The following CHODL variants were observed in gnomAD, a reference collection of about 807,000 sequenced individuals.
CHODL encodes the protein transmembrane protein MT75.
CHODL carries 29 observed loss-of-function variants against 34.5 expected under a neutral mutation model. That is an observed-to-expected ratio of 0.84 (90% CI 0.63 to 1.15). CHODL has a LOEUF of 1.15. Ranked by LOEUF, CHODL falls within the 50% of genes most tolerant of loss-of-function variation. The pLI is 0.00. For missense variants in CHODL, 332 were observed against 332.5 expected (o/e 1.00, Z 0.01); for synonymous variants, 125 against 116.1 (o/e 1.08, Z -0.49).
At chr21:17,982,032 T>C (rs2063717858) in intron 1 of CHODL, among the ~76,000 whole-genome samples, 1 of 152,250 alleles carries the variant, frequency 6.6e-6, no homozygotes, top group South Asian at 2.1e-4. Flanking sequence ...TACTACATCC[T>C]AGGATTGTTG....
rs184538414 is a variant in CHODL at position 18,233,072 on chromosome 21, T to G, written c.-44-23437T>G. Among the ~76,000 whole-genome samples the G allele has an allele frequency of 2.2e-4, 33 of 151,316 alleles. No homozygotes were observed. The East Asian group carries it at 6.2e-3, about 28-fold the overall frequency. On this transcript the variant is annotated intron_variant, in intron 2 of 6. Coordinates refer to the CHODL transcript ENST00000400127. ...ATCAATAACCTTAAATACTTATAAT[T>G]TATTCCTCCTGTCTAAGTGCAACTT...
At chr21:18,178,189 C>T (rs1413163127) in intron 2 of CHODL, among the ~76,000 whole-genome samples, 1 of 152,076 alleles carries the variant, frequency 6.6e-6, no homozygotes, top group African/African-American at 2.4e-5. Context: ...TAACTATATA[C>T]CAGACACAAG....
intron 2 of CHODL, among the ~76,000 whole-genome samples, chr21:18,188,109 A>T (rs1260907918): frequency 1.3e-5 from 2 of 148,226 alleles, no homozygotes; most frequent in Non-Finnish European, 3.0e-5. Flanking sequence ...AAAATTGATC[A>T]TTTTTTTTTT....
At chr21:18,229,714 T>A (rs1432087186) in intron 2 of CHODL, among the ~76,000 whole-genome samples, 1 of 152,058 alleles carries the variant, frequency 6.6e-6, no homozygotes. Context: ...ATTAACTTCT[T>A]TTTCTTCTGC....
At chr21:18,074,678 G>A (rs185036733) in intron 2 of CHODL, among the ~76,000 whole-genome samples, 139 of 152,024 alleles carry the variant, frequency 9.1e-4, no homozygotes, top group Middle Eastern at 3.4e-3. Context: ...TCCACATTCT[G>A]TTATTAGGTT....
intron 2 of CHODL, among the ~76,000 whole-genome samples, chr21:18,092,550 T>C (rs1214495202): frequency 2.0e-5 from 3 of 152,312 alleles, no homozygotes; most frequent in East Asian, 1.9e-4. Flanking sequence ...GAATTCAAAA[T>C]AGCTGTGTTG....
At chr21:18,024,793 T>C (rs1029823866) in intron 1 of CHODL, 5 of 152,212 alleles carry the variant, frequency 3.3e-5, no homozygotes, top group Admixed American at 1.3e-4. Flanking sequence ...GGGAGTTTAT[T>C]TGGCTAATCC....
Position 18,135,474 on chromosome 21 carries a change from CTT to C in CHODL, c.-45+107507_-45+107508del, listed in dbSNP as rs551899024. On this transcript the variant is annotated intron_variant, in intron 2 of 6. Coordinates refer to the CHODL transcript ENST00000400127. Reference sequence around the variant, plus strand: ...TAGCCTCAGCGTTCCATCCAATTATCTTTTTCCAGCTCCAATCCACAGACTGC... The same window carrying C: ...TAGCCTCAGCGTTCCATCCAATTATCTTTCCAGCTCCAATCCACAGACTGC... Among the ~76,000 whole-genome samples, 35 of 152,240 alleles carry C rather than the reference CTT, an allele frequency of 2.3e-4. No individual in the cohort carries two copies. In the South Asian group the frequency reaches 7.0e-3, roughly 31 times the overall value.
At chr21:17,922,344 C>T (rs1000906509) in intron 1 of CHODL, among the ~76,000 whole-genome samples, 1 of 152,174 alleles carries the variant, frequency 6.6e-6, no homozygotes, top group African/African-American at 2.4e-5. Context: ...CAACATTGTT[C>T]CACTGCTTTA....
intron 2 of CHODL, among the ~76,000 whole-genome samples, chr21:18,030,940 G>A (rs1416244279): frequency 6.6e-6 from 1 of 152,126 alleles, no homozygotes; most frequent in Non-Finnish European, 1.5e-5. Flanking sequence ...CCAAGGGTAA[G>A]TTTCTAGATT....
chr21:18,244,213 A>G (rs1302772291), upstream of CHODL, among the ~76,000 whole-genome samples: 1 of 152,254 alleles, frequency 6.6e-6, no homozygotes, highest in African/African-American at 2.4e-5. Flanking sequence ...CCAAGAATTC[A>G]GAATGCCTAC....
chr21:17,971,298 G>A (rs1033418542), intron 1 of CHODL, among the ~76,000 whole-genome samples: 1 of 152,150 alleles, frequency 6.6e-6, no homozygotes, highest in African/African-American at 2.4e-5. Context: ...AGATGCTTGA[G>A]GAATCACCAC....
intron 2 of CHODL, among the ~76,000 whole-genome samples, chr21:18,109,054 A>G (rs1396217496): frequency 1.8e-5 from 1 of 54,326 alleles, no homozygotes; most frequent in Non-Finnish European, 5.3e-5. Context: ...TTTGTAAGGA[A>G]GGATAAACGT....
intron 2 of CHODL, among the ~76,000 whole-genome samples, chr21:18,108,247 A>G (rs553053257): frequency 6.6e-6 from 1 of 152,004 alleles, no homozygotes; most frequent in East Asian, 1.9e-4. Context: ...TATTTAGGAT[A>G]TGGTCCTTTA....
intron 1 of CHODL, among the ~76,000 whole-genome samples, chr21:17,943,914 A>G (rs1256155183): frequency 6.6e-6 from 1 of 152,190 alleles, no homozygotes; most frequent in Non-Finnish European, 1.5e-5. Flanking sequence ...CTGTCCTTGG[A>G]TTAAATAGAA....
intron 2 of CHODL, among the ~76,000 whole-genome samples, chr21:18,116,715 G>A (rs188360735): frequency 9.8e-5 from 15 of 152,302 alleles, no homozygotes; most frequent in Non-Finnish European, 1.5e-4. Context: ...GTGCCACCAC[G>A]CAGTTGACAT....
intron 2 of CHODL, among the ~76,000 whole-genome samples, chr21:18,218,826 T>C (rs2073855831): frequency 1.3e-5 from 2 of 152,158 alleles, no homozygotes; most frequent in South Asian, 4.1e-4. Flanking sequence ...TTTACTTCAG[T>C]TCCCGGCAAG....
At chr21:18,016,891 T>C (rs2064079856) in intron 1 of CHODL, among the ~76,000 whole-genome samples, 1 of 152,212 alleles carries the variant, frequency 6.6e-6, no homozygotes, top group Non-Finnish European at 1.5e-5. Flanking sequence ...ATTTTGGAGC[T>C]TTAAGATTTA....
At chr21:18,050,702 G>A (rs909239380) in intron 2 of CHODL, among the ~76,000 whole-genome samples, 2 of 151,872 alleles carry the variant, frequency 1.3e-5, no homozygotes, top group Non-Finnish European at 2.9e-5. Context: ...CTTACGTAAG[G>A]ATCATGATTA....
Sources: gnomAD v4.1 joint callset for allele counts (sites outside exome capture counted in the v4.1 genomes callset) on GRCh38, gnomAD v4.1.1 for gene constraint, MANE v1.5 for transcripts, NCBI Gene and HGNC (gene_info 2026-07-23, HGNC 2026-07-21) for gene names.